PRKN: variants seen among roughly 807,000 people sequenced by gnomAD.
The protein encoded by PRKN is E3 ubiquitin-protein ligase parkin.
A neutral mutation model predicts 59.5 loss-of-function variants in PRKN; 56 were observed. The ratio of observed to expected loss-of-function variants is 0.94; its 90% CI spans 0.76 to 1.18. The LOEUF (loss-of-function observed/expected upper bound fraction) is 1.18, where lower values mean the gene tolerates loss of function less well. Ranked by LOEUF, PRKN falls within the 50% of genes most tolerant of loss-of-function variation. PRKN has a pLI of 0.00. For missense variants in PRKN, 657 were observed against 596.4 expected, an observed-to-expected ratio of 1.10 and a Z score of -1.06; for synonymous variants, 250 against 222.1, an observed-to-expected ratio of 1.13 and a Z score of -1.12.
intron 3 of PRKN, among the ~76,000 whole-genome samples, chr6:162,254,396 G>A (rs1204608671): frequency 1.3e-5 from 2 of 151,338 alleles, no homozygotes; most frequent in Non-Finnish European, 2.9e-5. Context: ...AGTGGGGGTT[G>A]CATTGAGCTG....
In PRKN at chr6:161,548,921, G is replaced by A. The variant is rs746620234; in HGVS notation, c.1016C>T (p.Ala339Val). 3.5e-5 allele frequency: 57 copies of A among 1,613,966 alleles called. No homozygotes were observed. The highest frequency in any genetic ancestry group is 3.2e-4 in the South Asian group (29 of 91,074). ...CTGGTCAGGCTCCGGCAGCAGCCCC[G>A]CTCCACAGCCAGGGCGGGGGCATAA... ...GVLCPRPGCG[A>V]GLLPEPDQRK... is the part of the protein sequence containing the mutation. The change falls in exon 9 of 12, where the codon GCG becomes GTG. Residue 339 changes from alanine to valine, a missense_variant. Physicochemically the swap from Ala to Val is moderately conservative, Grantham distance 64. Transcript: ENST00000366898. This position sits in a 1 kb window ranked among gnomAD's most constrained non-coding sequence, Gnocchi z 4.2.
At chr6:162,682,858 A>C (rs762467552) in intron 1 of PRKN, among the ~76,000 whole-genome samples, 3 of 152,180 alleles carry the variant, frequency 2.0e-5, no homozygotes, top group Non-Finnish European at 4.4e-5. Flanking sequence ...TTATGTAGGT[A>C]ATAAGGGTAC....
intron 6 of PRKN, among the ~76,000 whole-genome samples, chr6:161,793,512 A>T (rs1195294459): frequency 5.9e-5 from 9 of 151,772 alleles, no homozygotes; most frequent in Non-Finnish European, 1.3e-4. Flanking sequence ...CATTCTGCCA[A>T]CACAGTGGAC....
intron 2 of PRKN, among the ~76,000 whole-genome samples, chr6:162,405,440 G>A (rs761469156): frequency 1.3e-5 from 2 of 152,090 alleles, no homozygotes; most frequent in African/African-American, 4.8e-5. Flanking sequence ...ACAAGACTTC[G>A]AGAGAAGAAT....
chr6:161,671,035 C>T (rs139877699), intron 7 of PRKN, among the ~76,000 whole-genome samples: 1 of 152,036 alleles, frequency 6.6e-6, no homozygotes, highest in Non-Finnish European at 1.5e-5. Context: ...GTGTTTTCTT[C>T]ATGTTTGTTT....
chr6:161,949,309 G>A (rs1251089408), intron 6 of PRKN, among the ~76,000 whole-genome samples: 5 of 152,100 alleles, frequency 3.3e-5, no homozygotes, highest in Admixed American at 1.3e-4. Flanking sequence ...GTCAGAGTTC[G>A]AGACCAGCCT....
At chr6:162,308,376 T>G (rs1051890577) in intron 2 of PRKN, among the ~76,000 whole-genome samples, 1 of 152,058 alleles carries the variant, frequency 6.6e-6, no homozygotes, top group Admixed American at 6.6e-5. Flanking sequence ...GATGAAGAGG[T>G]ATTCAATGCT....
intron 3 of PRKN, among the ~76,000 whole-genome samples, chr6:162,221,624 A>G (rs1268300257): frequency 6.6e-6 from 1 of 152,182 alleles, no homozygotes; most frequent in Non-Finnish European, 1.5e-5. Flanking sequence ...TCCCAAGCCA[A>G]AATTTGACAT....
chr6:161,638,998 T>C (rs1242005412), intron 7 of PRKN, among the ~76,000 whole-genome samples: 1 of 152,114 alleles, frequency 6.6e-6, no homozygotes, highest in African/African-American at 2.4e-5. Flanking sequence ...TGCCTCAGTC[T>C]CCCAAAGTGC....
intron 4 of PRKN, among the ~76,000 whole-genome samples, chr6:162,167,799 G>A (rs980828893): frequency 2.6e-5 from 4 of 152,082 alleles, no homozygotes; most frequent in Non-Finnish European, 5.9e-5. Flanking sequence ...AGACTTTGAG[G>A]TTTGTAAAGG....
At chr6:161,537,796 G>C (rs1165758672) in intron 9 of PRKN, among the ~76,000 whole-genome samples, 1 of 152,198 alleles carries the variant, frequency 6.6e-6, no homozygotes, top group Non-Finnish European at 1.5e-5. Context: ...GATAATGTGT[G>C]TAAGAATTCT....
intron 2 of PRKN, among the ~76,000 whole-genome samples, chr6:162,359,150 A>C (rs1283345075): frequency 6.7e-6 from 1 of 149,758 alleles, no homozygotes; most frequent in Non-Finnish European, 1.5e-5. Flanking sequence ...CATCTCTCCC[A>C]ATTCCCCAGC....
rs553192961 is a variant in PRKN, at chr6:162,630,812, C to T, written c.7+96850G>A. Among the ~76,000 whole-genome samples the T allele has an allele frequency of 5.3e-5, 8 of 152,176 alleles. No homozygotes were observed. In the South Asian group the frequency reaches 1.7e-3, roughly 32 times the overall value. On this transcript the variant is annotated intron_variant, in intron 1 of 11. Coordinates refer to ENST00000366898, the MANE Select transcript of PRKN (RefSeq NM_004562.3). Reference sequence around the variant, plus strand: ...TTACACTTGTATTTGGAAGCAGGTTCCCAAGTTGATGATGAGCATTCAGAA... The same window carrying T: ...TTACACTTGTATTTGGAAGCAGGTTTCCAAGTTGATGATGAGCATTCAGAA...
chr6:162,450,202 T>A (rs940018173), intron 1 of PRKN, among the ~76,000 whole-genome samples: 2 of 151,940 alleles, frequency 1.3e-5, no homozygotes, highest in African/African-American at 4.8e-5. Context: ...AGGAAGGATG[T>A]GCTCAAGGAG....
In PRKN at chr6:161,359,823, G is replaced by C. The variant is rs773601028; in HGVS notation, c.1285+265C>G. ...TATCCTCAACCACTTTCCATATCTTGGTTCTAGTTTCTATATTTATTCCCT... is the reference window on the plus strand; with the variant it reads ...TATCCTCAACCACTTTCCATATCTTCGTTCTAGTTTCTATATTTATTCCCT... On this transcript the variant is annotated intron_variant, in intron 11 of 11. Transcript: ENST00000366898. The surrounding 1 kb of genome is among the most constrained non-coding windows in gnomAD (Gnocchi z 5.4). Among the ~76,000 whole-genome samples the C allele has an allele frequency of 6.6e-6, 1 of 152,080 alleles. No individual in the cohort carries two copies. Among genetic ancestry groups the C allele is most frequent in the Non-Finnish European group, 1.5e-5 (1 of 68,028 alleles).
intron 7 of PRKN, among the ~76,000 whole-genome samples, chr6:161,718,889 T>G (rs1787101496): frequency 6.6e-6 from 1 of 152,184 alleles, no homozygotes. Context: ...GTCTCATGAT[T>G]AGAGGGCCAG....
rs1222751969 is a variant in PRKN, at chr6:161,371,039, G to T, written c.1168-10834C>A. Among the ~76,000 whole-genome samples, 1 of 152,136 alleles carries T rather than the reference G, an allele frequency of 6.6e-6. No individual in the cohort carries two copies. The highest frequency in any genetic ancestry group is 1.5e-5 in the Non-Finnish European group (1 of 68,006). On this transcript the variant is annotated intron_variant, in intron 10 of 11. Coordinates refer to ENST00000366898, the MANE Select transcript of PRKN (RefSeq NM_004562.3). This position sits in a 1 kb window ranked among gnomAD's most constrained non-coding sequence, Gnocchi z 5.5. ...AAGAAAATGGCATCACTTTTCAGGG[G>T]CCTTGAGCTAGTCAACGTTACTGCT... is the stretch of plus-strand genomic sequence containing the variant.
At chr6:161,516,467 TAAAAAAAAAA>T (rs376373455) in intron 9 of PRKN, among the ~76,000 whole-genome samples, 3 of 23,146 alleles carry the variant, frequency 1.3e-4, no homozygotes, top group African/African-American at 3.3e-4. Context: ...AGGCTCCTTC[TAAAAAAAAAA>T]AAAAAAAAAA....
intron 7 of PRKN, among the ~76,000 whole-genome samples, chr6:161,748,081 C>G (rs926429771): frequency 6.6e-6 from 1 of 152,178 alleles, no homozygotes; most frequent in African/African-American, 2.4e-5. Context: ...AAGGAAGTAG[C>G]TTGGTGCTTC....
Sources: gnomAD v4.1 joint callset for allele counts (sites outside exome capture counted in the v4.1 genomes callset) on GRCh38, gnomAD v4.1.1 for gene constraint, Gnocchi (gnomAD v3.1) non-coding constraint, MANE v1.5 for transcripts, NCBI Gene and HGNC (gene_info 2026-07-23, HGNC 2026-07-21) for gene names.